ALK: variants seen among roughly 807,000 people sequenced by gnomAD.
ALK encodes ALK receptor tyrosine kinase.
In ALK, 74 loss-of-function variants were observed where a neutral mutation model predicts 163.1. The observed-to-expected ratio is 0.45, with a 90% CI of 0.38 to 0.55. The LOEUF is 0.55. Ranked by LOEUF, ALK falls within the 20% of genes least tolerant of loss-of-function variation. The pLI, the probability that ALK is intolerant of heterozygous loss-of-function variation, is 0.00. For missense variants in ALK, 2,063 were observed against 2,105.3 expected (o/e 0.98, Z 0.39); for synonymous variants, 960 against 843.2 (o/e 1.14, Z -2.40).
intron 6 of ALK, 76 bp downstream of exon 6, chr2:29,328,274 G>A: frequency 6.2e-7 from 1 of 1,607,158 alleles, no homozygotes; most frequent in Non-Finnish European, 8.5e-7. Flanking sequence ...ATGCTCTCAT[G>A]CCTGGGATAA....
At chr2:29,245,606 C>T (rs1170637803) in intron 12 of ALK, among the ~76,000 whole-genome samples, 3 of 145,568 alleles carry the variant, frequency 2.1e-5, no homozygotes, top group Non-Finnish European at 3.0e-5. Context: ...GCTCAGTGCC[C>T]TGCACACAGT....
rs150876557 is a variant in ALK at position 29,298,862 on chromosome 2, G to C, written c.1648-1805C>G. Among the ~76,000 whole-genome samples, 553 of 152,144 alleles carry C rather than the reference G, an allele frequency of 3.6e-3. 8 individuals carry two copies. The highest frequency in any genetic ancestry group is 0.013 in the African/African-American group (519 of 41,484). On this transcript the variant is annotated intron_variant, in intron 8 of 28. Transcript: ENST00000389048. The stretch of plus-strand genomic sequence containing the variant: ...GCTCATTTTCTCTCCCCCAGTCCTT[G>C]CTCTTTTAGTTACTGCCCTCCTTTC...
intron 3 of ALK, among the ~76,000 whole-genome samples, chr2:29,643,496 A>C (rs1676762660): frequency 1.3e-5 from 2 of 152,220 alleles, no homozygotes; most frequent in Admixed American, 6.5e-5. Flanking sequence ...GACAAAGCCA[A>C]GCCTGAGTCT....
rs1161705917 is a variant in ALK at position 29,193,310 on chromosome 2, A to G, written c.4777T>C (p.Leu1593=). 3 of 1,614,180 alleles carry G rather than the reference A, an allele frequency of 1.9e-6. No individual in the cohort carries two copies. In the South Asian group the frequency reaches 3.3e-5, roughly 18 times the overall value. ...NYGYQQQGLP[L]EAATAPGAGH... is the part of the protein sequence containing the mutation. ...GCTCCAGGGGCAGTAGCGGCTTCTA[A>G]GGGCAAGCCCTGTTGCTGGTAGCCG... Residue 1593 remains leucine, a synonymous_variant, in exon 29 of 29, where the codon TTA becomes CTA. Transcript: ENST00000389048.
chr2:29,818,383 T>C (rs2148376612), intron 1 of ALK, among the ~76,000 whole-genome samples: 1 of 152,366 alleles, frequency 6.6e-6, no homozygotes, highest in East Asian at 1.9e-4. Flanking sequence ...GTTTTCATTT[T>C]AATCACGCTC....
chr2:29,537,874 T>A (rs1034022568), intron 3 of ALK, among the ~76,000 whole-genome samples: 1 of 152,216 alleles, frequency 6.6e-6, no homozygotes, highest in Non-Finnish European at 1.5e-5. Flanking sequence ...TGGGACATGG[T>A]GTCAAAGAAG....
At chr2:29,475,671 T>C (rs191184504) in intron 4 of ALK, among the ~76,000 whole-genome samples, 4 of 152,222 alleles carry the variant, frequency 2.6e-5, no homozygotes, top group African/African-American at 9.6e-5. Flanking sequence ...CTGGGGCCAA[T>C]CTCCCTTTGG....
chr2:29,678,167 A>G (rs940384464), intron 3 of ALK, among the ~76,000 whole-genome samples: 4 of 151,914 alleles, frequency 2.6e-5, no homozygotes, highest in Admixed American at 6.6e-5. Flanking sequence ...TTATTCCTGA[A>G]TTAGTAATTT....
At chr2:29,652,254 A>G (rs1234840511) in intron 3 of ALK, among the ~76,000 whole-genome samples, 1 of 152,098 alleles carries the variant, frequency 6.6e-6, no homozygotes, top group Non-Finnish European at 1.5e-5. Context: ...CCCAGGCATT[A>G]TAGTCTTCAG....
chr2:29,443,280 T>C (rs979729833), intron 4 of ALK, among the ~76,000 whole-genome samples: 7 of 152,150 alleles, frequency 4.6e-5, no homozygotes, highest in Admixed American at 4.6e-4. Context: ...AATGCAAACC[T>C]CCCAGAGAGT....
chr2:29,766,429 C>T (rs1472543948), intron 1 of ALK, among the ~76,000 whole-genome samples: 1 of 152,162 alleles, frequency 6.6e-6, no homozygotes, highest in Non-Finnish European at 1.5e-5. Context: ...TCAATACAAA[C>T]ATATTTGCCT....
chr2:29,529,262 T>C (rs1308438501), intron 4 of ALK, among the ~76,000 whole-genome samples: 1 of 152,172 alleles, frequency 6.6e-6, no homozygotes, highest in Non-Finnish European at 1.5e-5. Context: ...ACTTTATTAT[T>C]ACAACTTCCT....
intron 4 of ALK, among the ~76,000 whole-genome samples, chr2:29,392,716 G>A (rs137895494): frequency 2.2e-3 from 333 of 152,308 alleles, no homozygotes; most frequent in African/African-American, 7.6e-3. Context: ...AGGAGTAGGA[G>A]TAGACTGATC....
chr2:29,800,954 C>T (rs548129569), intron 1 of ALK, among the ~76,000 whole-genome samples: 7 of 152,276 alleles, frequency 4.6e-5, no homozygotes, highest in South Asian at 4.1e-4. Flanking sequence ...CTCCCGTGGG[C>T]GCTGGCCTCC....
intron 13 of ALK, 91 bp from the exon 14 acceptor site, chr2:29,233,787 T>C: frequency 6.4e-7 from 1 of 1,557,558 alleles, no homozygotes; most frequent in Non-Finnish European, 8.8e-7. Context: ...AAACAGGATC[T>C]GACTCTCTCT....
At chr2:29,303,379 A>G (rs1666422748) in intron 8 of ALK, among the ~76,000 whole-genome samples, 4 of 152,350 alleles carry the variant, frequency 2.6e-5, no homozygotes, top group Non-Finnish European at 1.5e-5. Context: ...AGGTAAAAAA[A>G]GAAAAGATCT....
chr2:29,543,092 CA>C (rs1673457236), intron 3 of ALK, among the ~76,000 whole-genome samples: 1 of 151,982 alleles, frequency 6.6e-6, no homozygotes, highest in Admixed American at 6.6e-5. Context: ...TGTGCAAATG[CA>C]TGGGAGCCAC....
intron 5 of ALK, among the ~76,000 whole-genome samples, chr2:29,361,004 C>A (rs896016490): frequency 3.3e-5 from 5 of 152,218 alleles, no homozygotes; most frequent in African/African-American, 1.2e-4. Flanking sequence ...TGCAGAGAAG[C>A]ATGGGCATAT....
chr2:29,296,875 G>T lies in ALK; in HGVS notation c.1817+13C>A, dbSNP rs764293538. Reference sequence around the variant, plus strand: ...AGAGGAGAAGGGTATTGGGGGAGATGCATAGAGCCTACCTGTCAGACACAT... The same window carrying T: ...AGAGGAGAAGGGTATTGGGGGAGATTCATAGAGCCTACCTGTCAGACACAT... On this transcript the variant is annotated intron_variant, in intron 9 of 28. Coordinates refer to ENST00000389048, the MANE Select transcript of ALK (RefSeq NM_004304.5). The T allele has an allele frequency of 7.4e-6, 12 of 1,613,942 alleles. No homozygotes were observed. Among genetic ancestry groups the T allele is most frequent in the Admixed American group, 5.0e-5 (3 of 59,994 alleles).
Sources: allele counts gnomAD v4.1 joint callset (sites outside exome capture counted in the v4.1 genomes callset), GRCh38; gene constraint gnomAD v4.1.1; transcripts MANE v1.5; gene names NCBI Gene and HGNC (gene_info 2026-07-23, HGNC 2026-07-21).